CNTN1: variants seen among roughly 807,000 people sequenced by gnomAD.
The protein encoded by CNTN1 is contactin 1, also known as contactin-1.
Under a neutral mutation model 126.4 loss-of-function variants are expected in CNTN1, and 38 were observed. That is an observed-to-expected ratio of 0.30 (90% confidence interval 0.23 to 0.39). CNTN1 has a LOEUF of 0.39. CNTN1 is among the 10% of genes least tolerant of loss of function. The pLI is 1.00. For missense variants in CNTN1, 1,009 were observed against 1,248.4 expected (o/e 0.81, Z 2.89); for synonymous variants, 413 against 422.6 (o/e 0.98, Z 0.28).
chr12:40,795,552 A>G (rs892925950), intron 1 of CNTN1, among the ~76,000 whole-genome samples: 18 of 151,384 alleles, frequency 1.2e-4, no homozygotes, highest in Admixed American at 1.1e-3. Flanking sequence ...AGGCACATAT[A>G]TATAGGTTCT....
chr12:40,964,371 G>C (rs1197453555), intron 15 of CNTN1, among the ~76,000 whole-genome samples: 1 of 152,002 alleles, frequency 6.6e-6, no homozygotes, highest in African/African-American at 2.4e-5. Context: ...AAATGTTTTG[G>C]AAAAAGAGTA....
chr12:40,740,284 C>T lies in CNTN1; in HGVS notation c.-77+47692C>T, dbSNP rs1220735096. On this transcript the variant is annotated intron_variant, in intron 1 of 23. Transcript: ENST00000551295. ...AAATTGTGTCAATCATTGCAAAATG[C>T]AGATTTACCCCAGTATATTTTAAAA... Among the ~76,000 whole-genome samples the T allele has an allele frequency of 4.6e-5, 7 of 152,000 alleles. No individual in the cohort carries two copies. The South Asian group carries it at 6.2e-4, about 13-fold the overall frequency.
At chr12:40,963,197 G>A (rs80043001) in intron 15 of CNTN1, among the ~76,000 whole-genome samples, 2,616 of 152,116 alleles carry the variant, frequency 0.017, 28 homozygotes, top group Middle Eastern at 0.054. Flanking sequence ...CAAGGAGTGC[G>A]TATTGCTTTG....
At chr12:41,060,752 T>A (rs779517226) in intron 23 of CNTN1, among the ~76,000 whole-genome samples, 27 of 152,132 alleles carry the variant, frequency 1.8e-4, no homozygotes, top group Non-Finnish European at 3.1e-4. Flanking sequence ...ACGTTGGGAA[T>A]AAAACAAACC....
chr12:40,905,262 A>C (rs1200491861), intron 1 of CNTN1, among the ~76,000 whole-genome samples: 1 of 152,208 alleles, frequency 6.6e-6, no homozygotes, highest in Non-Finnish European at 1.5e-5. Flanking sequence ...GACACAACTA[A>C]TCTTTTTTTA....
chr12:40,981,096 G>T, intron 16 of CNTN1, 29 bp downstream of exon 16: 1 of 1,609,358 alleles, frequency 6.2e-7, no homozygotes, highest in Non-Finnish European at 8.5e-7. Flanking sequence ...ATTAATCCGT[G>T]CATGTTTTCA....
chr12:40,712,824 A>G (rs1323026443), intron 1 of CNTN1, among the ~76,000 whole-genome samples: 2 of 152,114 alleles, frequency 1.3e-5, no homozygotes, highest in Non-Finnish European at 2.9e-5. Context: ...CCAAAACCTC[A>G]TTTTGAAATT....
chr12:40,817,304 G>A (rs561050529), intron 1 of CNTN1, among the ~76,000 whole-genome samples: 1 of 152,142 alleles, frequency 6.6e-6, no homozygotes, highest in Admixed American at 6.5e-5. Flanking sequence ...AGGTCTCTAA[G>A]AACTTGTTTT....
chr12:41,045,526 CT>C (rs1425920667), intron 23 of CNTN1, among the ~76,000 whole-genome samples: 1 of 152,052 alleles, frequency 6.6e-6, no homozygotes, highest in Non-Finnish European at 1.5e-5. Flanking sequence ...TACTGGAAGC[CT>C]TTAATGCCAT....
chr12:40,714,565 G>A (rs192835144), intron 1 of CNTN1, among the ~76,000 whole-genome samples: 52 of 152,228 alleles, frequency 3.4e-4, no homozygotes, highest in Admixed American at 7.2e-4. Context: ...GAAGTGACAT[G>A]TTGAATCAGC....
chr12:41,016,053 G>T (rs1948772835), intron 18 of CNTN1, among the ~76,000 whole-genome samples: 1 of 152,164 alleles, frequency 6.6e-6, no homozygotes. Context: ...TTCTAGGCTA[G>T]AGTCTTATAT....
chr12:40,775,700 G>C (rs893178744), intron 1 of CNTN1, among the ~76,000 whole-genome samples: 1 of 151,580 alleles, frequency 6.6e-6, no homozygotes, highest in African/African-American at 2.4e-5. Flanking sequence ...AAAGACAGTA[G>C]AAAGACAGAG....
In CNTN1 at chr12:40,763,356, C is replaced by T. The variant is rs550989239; in HGVS notation, c.-77+70764C>T. On this transcript the variant is annotated intron_variant, in intron 1 of 23. Coordinates refer to ENST00000551295, the MANE Select transcript of CNTN1 (RefSeq NM_001843.4). Reference sequence around the variant, plus strand: ...GGAAACTTAAATCTTGAGCAAAGGTCAGGAAAGAGTTCACTGATGGAGGAA... The same window carrying T: ...GGAAACTTAAATCTTGAGCAAAGGTTAGGAAAGAGTTCACTGATGGAGGAA... 3.3e-5 allele frequency among the ~76,000 whole-genome samples: 5 copies of T among 152,190 alleles called. No homozygotes were observed. In the East Asian group the frequency reaches 9.7e-4, roughly 29 times the overall value.
chr12:40,951,715 T>TAAAAAAAAAAAAAAAA (rs71078286), intron 14 of CNTN1, among the ~76,000 whole-genome samples: 1 of 110,024 alleles, frequency 9.1e-6, no homozygotes, highest in Non-Finnish European at 1.8e-5. Flanking sequence ...TCTCAAAATT[T>TAAAAAAAAAAAAAAAA]AAAAAAAAAA....
intron 1 of CNTN1, among the ~76,000 whole-genome samples, chr12:40,823,976 C>T (rs1941532110): frequency 6.6e-6 from 1 of 152,064 alleles, no homozygotes; most frequent in Non-Finnish European, 1.5e-5. Context: ...TTTAGTGCCT[C>T]ATCACTTCTG....
chr12:41,028,120 T>A (rs917853391), intron 22 of CNTN1, 151 bp downstream of exon 22: 2 of 637,096 alleles, frequency 3.1e-6, no homozygotes, highest in Non-Finnish European at 2.9e-6. Flanking sequence ...CAGCCTCCAC[T>A]TCCTGGGTTC....
chr12:40,769,103 A>G (rs920754639), intron 1 of CNTN1, among the ~76,000 whole-genome samples: 3 of 152,160 alleles, frequency 2.0e-5, no homozygotes, highest in African/African-American at 7.2e-5. Flanking sequence ...CATTATTGCA[A>G]ATTACAAAGT....
At chr12:40,777,298 G>C (rs1939627818) in intron 1 of CNTN1, among the ~76,000 whole-genome samples, 1 of 149,486 alleles carries the variant, frequency 6.7e-6, no homozygotes, top group Non-Finnish European at 1.5e-5. Flanking sequence ...ATTCTATCTT[G>C]AAATTTCTTT....
In CNTN1 at chr12:40,868,214, C is replaced by T. The variant is rs117097541; in HGVS notation, c.-76-40143C>T. Among the ~76,000 whole-genome samples, 624 of 152,154 alleles carry T rather than the reference C, an allele frequency of 4.1e-3. 3 individuals are homozygous for T. The highest frequency in any genetic ancestry group is 7.5e-3 in the Non-Finnish European group (511 of 67,990). ...CACCACCATAAATAAAAATAATTATCCCAATGGAAGTTTTTTATTTATTAG... is the reference window on the plus strand; with the variant it reads ...CACCACCATAAATAAAAATAATTATTCCAATGGAAGTTTTTTATTTATTAG... On this transcript the variant is annotated intron_variant, in intron 1 of 23. Coordinates refer to ENST00000551295, the MANE Select transcript of CNTN1 (RefSeq NM_001843.4).
Sources: allele counts gnomAD v4.1 joint callset (sites outside exome capture counted in the v4.1 genomes callset), GRCh38; gene constraint gnomAD v4.1.1; transcripts MANE v1.5; gene names NCBI Gene and HGNC (gene_info 2026-07-23, HGNC 2026-07-21).